PHACTR1: variants seen among roughly 807,000 people sequenced by gnomAD.
PHACTR1 encodes RPEL repeat containing 1.
A neutral mutation model predicts 69.2 loss-of-function variants in PHACTR1; 16 were observed. That is an observed-to-expected ratio of 0.23 (90% CI 0.16 to 0.35). PHACTR1 has a LOEUF of 0.35. PHACTR1 is among the 10% of genes least tolerant of loss of function. PHACTR1 has a pLI of 1.00. For synonymous variants in PHACTR1, 312 were observed against 284.5 expected, an observed-to-expected ratio of 1.10 and a Z score of -0.97; for missense variants, 510 against 734.7, an observed-to-expected ratio of 0.69 and a Z score of 3.54.
chr6:12,836,238 C>T (rs1026771471), intron 4 of PHACTR1, among the ~76,000 whole-genome samples: 1 of 152,146 alleles, frequency 6.6e-6, no homozygotes, highest in Non-Finnish European at 1.5e-5. Context: ...GTTTCAACTG[C>T]TGTCTCCCTC....
chr6:13,051,584 G>T (rs1189033197), intron 4 of PHACTR1, among the ~76,000 whole-genome samples: 2 of 152,040 alleles, frequency 1.3e-5, no homozygotes. Flanking sequence ...TATTCCTGTT[G>T]GGTCTGTTTC....
chr6:13,089,348 G>A (rs1485246370), intron 5 of PHACTR1, among the ~76,000 whole-genome samples: 4 of 152,158 alleles, frequency 2.6e-5, no homozygotes, highest in African/African-American at 9.7e-5. Context: ...GCAGGCTCTA[G>A]GGGGGTGCAC....
At chr6:12,812,137 C>T (rs1353580502) in intron 4 of PHACTR1, among the ~76,000 whole-genome samples, 4 of 152,178 alleles carry the variant, frequency 2.6e-5, no homozygotes, top group Admixed American at 1.3e-4. Context: ...AACCATGTGG[C>T]CACTTAGCAG....
intron 5 of PHACTR1, among the ~76,000 whole-genome samples, chr6:13,109,656 A>T (rs1040262671): frequency 2.0e-5 from 3 of 152,092 alleles, no homozygotes; most frequent in Middle Eastern, 3.4e-3. Flanking sequence ...TGCTTTTTGG[A>T]TATGTAGATT....
chr6:13,002,575 C>T (rs150313426), intron 4 of PHACTR1, among the ~76,000 whole-genome samples: 28 of 152,196 alleles, frequency 1.8e-4, no homozygotes, highest in African/African-American at 6.0e-4. Flanking sequence ...TACATAAGAT[C>T]GAAGCAGTGT....
chr6:12,878,416 T>C (rs370301726), intron 4 of PHACTR1, among the ~76,000 whole-genome samples: 3 of 152,212 alleles, frequency 2.0e-5, no homozygotes, highest in African/African-American at 7.2e-5. Context: ...TCCTGTACTT[T>C]AACGGTAGAA....
intron 5 of PHACTR1, among the ~76,000 whole-genome samples, chr6:13,142,205 C>T (rs1822588812): frequency 6.6e-6 from 1 of 152,150 alleles, no homozygotes; most frequent in African/African-American, 2.4e-5. Flanking sequence ...TGGGTTCAAG[C>T]AATTCTCCTG....
chr6:12,938,885 A>ACG (rs778364945), intron 4 of PHACTR1, among the ~76,000 whole-genome samples: 1 of 152,158 alleles, frequency 6.6e-6, no homozygotes, highest in Non-Finnish European at 1.5e-5. Context: ...GCAGATCTCA[A>ACG]CAGTTCATGC....
intron 4 of PHACTR1, among the ~76,000 whole-genome samples, chr6:12,797,201 G>A (rs1773131514): frequency 6.6e-6 from 1 of 152,112 alleles, no homozygotes. Flanking sequence ...AAACCCCACT[G>A]CAAATTCTGT....
intron 4 of PHACTR1, among the ~76,000 whole-genome samples, chr6:12,760,426 T>C (rs757439463): frequency 3.3e-5 from 5 of 152,156 alleles, no homozygotes; most frequent in Non-Finnish European, 4.4e-5. Context: ...GAAATACCTC[T>C]TACAAATGGC....
At chr6:12,954,875 CA>C (rs1791692731) in intron 4 of PHACTR1, among the ~76,000 whole-genome samples, 2 of 152,138 alleles carry the variant, frequency 1.3e-5, no homozygotes, top group African/African-American at 2.4e-5. Flanking sequence ...ATTCTAACCT[CA>C]AAATGGCCAT....
At chr6:13,104,521 AAAG>A (rs1288061063) in intron 5 of PHACTR1, among the ~76,000 whole-genome samples, 3 of 152,202 alleles carry the variant, frequency 2.0e-5, no homozygotes, top group South Asian at 2.1e-4. Flanking sequence ...TTACTTGAAA[AAAG>A]CCACTAAATT....
chr6:12,991,017 C>T (rs769748228), intron 4 of PHACTR1, among the ~76,000 whole-genome samples: 7 of 152,068 alleles, frequency 4.6e-5, no homozygotes, highest in Non-Finnish European at 7.4e-5. Flanking sequence ...GCGAGGCAGG[C>T]CAAAAAGGCA....
intron 4 of PHACTR1, among the ~76,000 whole-genome samples, chr6:12,980,355 A>T (rs774365681): frequency 5.9e-5 from 9 of 152,102 alleles, no homozygotes; most frequent in Non-Finnish European, 1.2e-4. Flanking sequence ...AGTGACCAGG[A>T]TGAGAGAAGG....
At chr6:12,758,486 A>G (rs1385920534) in intron 4 of PHACTR1, among the ~76,000 whole-genome samples, 6 of 145,968 alleles carry the variant, frequency 4.1e-5, no homozygotes, top group South Asian at 2.2e-4. Flanking sequence ...AAAAAAAAAA[A>G]GGGCCCAGAG....
chr6:12,741,959 C>T (rs1282163524), intron 3 of PHACTR1, among the ~76,000 whole-genome samples: 1 of 152,122 alleles, frequency 6.6e-6, no homozygotes, highest in Non-Finnish European at 1.5e-5. Flanking sequence ...GTTTTTCATG[C>T]AGAGGACTTG....
At position 13,072,818 on chromosome 6, in the gene PHACTR1, T is replaced by C. The variant is rs76304886; in HGVS notation, c.415+19289T>C. Among the ~76,000 whole-genome samples, 1,285 of 152,220 alleles carry C rather than the reference T, an allele frequency of 8.4e-3. 23 individuals are homozygous for C. Among genetic ancestry groups the C allele is most frequent in the African/African-American group, 0.029 (1,207 of 41,526 alleles). On this transcript the variant is annotated intron_variant, in intron 5 of 14. Transcript: ENST00000332995. ...TATGGGCCCTTGCTTTCCAAAAAGG[T>C]TGTAACAATTTACACCTCCTGTGAT...
intron 4 of PHACTR1, among the ~76,000 whole-genome samples, chr6:12,803,755 C>A (rs1245980950): frequency 6.6e-6 from 1 of 152,178 alleles, no homozygotes; most frequent in Non-Finnish European, 1.5e-5. Context: ...TCGTGCCTTG[C>A]AGGTTATTTA....
intron 4 of PHACTR1, among the ~76,000 whole-genome samples, chr6:13,036,796 A>T (rs753528620): frequency 3.3e-5 from 5 of 152,210 alleles, no homozygotes; most frequent in Non-Finnish European, 7.3e-5. Flanking sequence ...TAAATAAAGG[A>T]TAAATCTTAA....
Sources: allele counts gnomAD v4.1 joint callset (sites outside exome capture counted in the v4.1 genomes callset), GRCh38; gene constraint gnomAD v4.1.1; transcripts MANE v1.5; gene names NCBI Gene and HGNC (gene_info 2026-07-23, HGNC 2026-07-21).